Variants in C16orf96 observed in about 807,000 individuals in gnomAD.
C16orf96 encodes chromosome 16 open reading frame 96, also known as uncharacterized protein C16orf96.
In C16orf96, 108 loss-of-function variants were observed where a neutral mutation model predicts 103.6. The ratio of observed to expected loss-of-function variants is 1.04; its 90% CI spans 0.89 to 1.22. The LOEUF (loss-of-function observed/expected upper bound fraction) is 1.22. Ranked by LOEUF, C16orf96 falls within the 50% of genes most tolerant of loss-of-function variation. The probability of loss-of-function intolerance (pLI) is 0.00; values close to 1 mark genes in which losing one functional copy is unlikely to be tolerated. For synonymous variants in C16orf96, 566 were observed against 593.5 expected, an observed-to-expected ratio of 0.95 and a Z score of 0.67; for missense variants, 1,586 against 1,464.2, an observed-to-expected ratio of 1.08 and a Z score of -1.36.
chr16:4,557,861 G>A (rs936837299), intron 1 of C16orf96, among the ~76,000 whole-genome samples: 3 of 152,026 alleles, frequency 2.0e-5, no homozygotes, highest in Non-Finnish European at 4.4e-5. Flanking sequence ...GTAGAGATAG[G>A]GTCTCCTTAT....
At chr16:4,595,888 T>C (rs1424635464) in intron 14 of C16orf96, among the ~76,000 whole-genome samples, 1 of 151,954 alleles carries the variant, frequency 6.6e-6, no homozygotes, top group Non-Finnish European at 1.5e-5. Flanking sequence ...TTGTATTTTT[T>C]AGTAGAGACG....
upstream of C16orf96, among the ~76,000 whole-genome samples, chr16:4,551,357 G>C (rs564356226): frequency 2.6e-5 from 4 of 152,174 alleles, no homozygotes; most frequent in Admixed American, 6.5e-5. Context: ...CTACAGCTCA[G>C]CTTCATGCTT....
chr16:4,541,507 G>C, the C16orf96 span, among the ~76,000 whole-genome samples: 1 of 152,208 alleles, frequency 6.6e-6, no homozygotes, highest in Non-Finnish European at 1.5e-5. Flanking sequence ...CCAGCAGGTC[G>C]AGGCTGCTGT....
intron 8 of C16orf96, 34 bp from the exon 9 acceptor site, chr16:4,588,133 C>G (rs758387324): frequency 9.5e-5 from 146 of 1,539,204 alleles, no homozygotes; most frequent in Admixed American, 3.2e-4. Flanking sequence ...TCCATCCCAG[C>G]AGCCATGCCT....
intron 14 of C16orf96, among the ~76,000 whole-genome samples, chr16:4,596,788 T>C (rs1897182724): frequency 6.6e-6 from 1 of 152,182 alleles, no homozygotes; most frequent in African/African-American, 2.4e-5. Context: ...TCCTGGAGGC[T>C]GGAAATCCTA....
chr16:4,556,991 A>G, intron 1 of C16orf96, 82 bp downstream of exon 1: 2 of 1,401,220 alleles, frequency 1.4e-6, no homozygotes, highest in Non-Finnish European at 1.9e-6. Context: ...TGTTTTTGAG[A>G]CTCCGTCTCG....
the C16orf96 span, among the ~76,000 whole-genome samples, chr16:4,541,884 ATGT>A: frequency 2.0e-5 from 3 of 152,240 alleles, no homozygotes; most frequent in Admixed American, 6.5e-5. Flanking sequence ...GTTGACAAAA[ATGT>A]TGTGTCCACA....
intron 9 of C16orf96, among the ~76,000 whole-genome samples, chr16:4,589,981 C>T (rs1449061983): frequency 6.6e-6 from 1 of 152,034 alleles, no homozygotes; most frequent in Non-Finnish European, 1.5e-5. Flanking sequence ...CAAAAATTAG[C>T]CAGGCCTGGT....
chr16:4,549,309 C>A, the C16orf96 span, among the ~76,000 whole-genome samples: 1 of 151,894 alleles, frequency 6.6e-6, no homozygotes, highest in Non-Finnish European at 1.5e-5. Flanking sequence ...CCCGTCTCTA[C>A]TAAAAATAGA....
At chr16:4,574,655 C>A in intron 2 of C16orf96, 54 bp from the exon 3 acceptor site, 3 of 1,415,644 alleles carry the variant, frequency 2.1e-6, no homozygotes, top group South Asian at 2.5e-5. Context: ...CGGGAAAAGG[C>A]AGGGGTGGGA....
At position 4,576,312 on chromosome 16, in the gene C16orf96, C is replaced by T. The variant is rs759379003; in HGVS notation, c.1832C>T (p.Thr611Met). ...ATKMAAIATDTAAAGPLGVFA... is the reference protein window; with the variant it reads ...ATKMAAIATDMAAAGPLGVFA... ...AAAATGGCCGCCATTGCAACAGACA[C>T]GGCTGCAGCTGGGCCCCTAGGGGTC... Residue 611 changes from threonine (T) to methionine (M), a missense_variant, in exon 5 of 16, where the codon ACG becomes ATG. Transcript: ENST00000444310. The T allele has an allele frequency of 4.2e-5, 65 of 1,550,670 alleles. No homozygotes were observed. Among genetic ancestry groups the T allele is most frequent in the Non-Finnish European group, 4.9e-5 (56 of 1,147,012 alleles).
intron 6 of C16orf96, among the ~76,000 whole-genome samples, chr16:4,579,611 CTTATT>C (rs1251321460): frequency 1.4e-5 from 1 of 71,432 alleles, no homozygotes; most frequent in Non-Finnish European, 2.6e-5. Context: ...GGTCTGATAC[CTTATT>C]TTTTTTTTTT....
intron 7 of C16orf96, among the ~76,000 whole-genome samples, chr16:4,584,365 T>TTTTTTTTTTTTTTTTA (rs1896866794): frequency 6.9e-6 from 1 of 144,928 alleles, no homozygotes. Flanking sequence ...TTTTTTTTTT[T>TTTTTTTTTTTTTTTTA]GAGATACAGT....
intron 1 of C16orf96, among the ~76,000 whole-genome samples, chr16:4,564,173 AAAAG>A (rs2059363090): frequency 6.6e-6 from 1 of 152,102 alleles, no homozygotes; most frequent in South Asian, 2.1e-4. Flanking sequence ...CATCTTAAAA[AAAAG>A]AAGAAGAAAA....
At chr16:4,585,253 G>A (rs1372022702) in intron 7 of C16orf96, among the ~76,000 whole-genome samples, 1 of 133,106 alleles carries the variant, frequency 7.5e-6, no homozygotes, top group Non-Finnish European at 1.5e-5. Context: ...AGGAGTTCCA[G>A]ATCAGCCTGA....
chr16:4,555,546 T>C (rs1406514856), upstream of C16orf96, among the ~76,000 whole-genome samples: 1 of 151,754 alleles, frequency 6.6e-6, no homozygotes, highest in African/African-American at 2.4e-5. Flanking sequence ...CTGATTTTTG[T>C]ATTTTTAGTA....
intron 1 of C16orf96, among the ~76,000 whole-genome samples, chr16:4,562,569 T>A (rs145637745): frequency 1.3e-5 from 2 of 152,326 alleles, no homozygotes; most frequent in African/African-American, 2.4e-5. Flanking sequence ...TTTTTAAGAT[T>A]GTATTACTTG....
chr16:4,567,426 C>T (rs1000822733), intron 1 of C16orf96, among the ~76,000 whole-genome samples: 4 of 150,084 alleles, frequency 2.7e-5, no homozygotes, highest in Non-Finnish European at 4.4e-5. Flanking sequence ...TGGGACTACA[C>T]GTGCCCGCCA....
rs745740172 is a variant in C16orf96 at position 4,578,922 on chromosome 16, C to T, written c.2156-18C>T. The T allele has an allele frequency of 9.0e-6, 14 of 1,548,978 alleles. No homozygotes were observed. The African/African-American group carries it at 1.9e-4, about 21-fold the overall frequency. On this transcript the variant is annotated intron_variant, in intron 5 of 15. Transcript: ENST00000444310. ...CTCCATCCGAGCCCTCAGCAGCCAC[C>T]CTGTCCTCTGCTTTCAGCCAATATG...
Sources: gnomAD v4.1 joint callset for allele counts (sites outside exome capture counted in the v4.1 genomes callset) on GRCh38, gnomAD v4.1.1 for gene constraint, MANE v1.5 for transcripts, NCBI Gene and HGNC (gene_info 2026-07-23, HGNC 2026-07-21) for gene names.